FBN3: variants seen among roughly 807,000 people sequenced by gnomAD.
FBN3 encodes the protein fibrillin-3.
In FBN3, 234 loss-of-function variants were observed where a neutral mutation model predicts 330.1. The observed-to-expected ratio is 0.71, with a 90% confidence interval of 0.64 to 0.79. The LOEUF is 0.79. Among genes scored for constraint, FBN3 ranks in the 30% least tolerant of loss-of-function variants. The pLI is 0.00. For synonymous variants in FBN3, 1,458 were observed against 1,517.3 expected, an observed-to-expected ratio of 0.96 and a Z score of 0.91; for missense variants, 3,606 against 3,886.9, an observed-to-expected ratio of 0.93 and a Z score of 1.92.
chr19:8,144,800 T>C, intron 6 of FBN3, 77 bp downstream of exon 6: 1 of 1,197,774 alleles, frequency 8.3e-7, no homozygotes, highest in South Asian at 1.4e-5. Context: ...GGCCTGGCCA[T>C]GTCTCAGGGA....
intron 40 of FBN3, among the ~76,000 whole-genome samples, chr19:8,101,674 C>A (rs1196609738): frequency 6.6e-6 from 1 of 151,792 alleles, no homozygotes; most frequent in Non-Finnish European, 1.5e-5. Flanking sequence ...CCCACCCTAT[C>A]CCAGCCCAGG....
chr19:8,090,394 A>G (rs931347815), intron 48 of FBN3, 143 bp from the exon 49 acceptor site: 27 of 896,002 alleles, frequency 3.0e-5, no homozygotes, highest in Non-Finnish European at 4.4e-5. Flanking sequence ...GCCCCTGGTC[A>G]TGGTGATTGG....
rs2083427488 is a variant in FBN3 at position 8,141,989 on chromosome 19, G to T, written c.690C>A (p.His230Gln). ...TGGGGATGAAGCCGCGGCGGCAGGG[G>T]TGTGGCTGTGCAGGGCAAAGTTCAC... is the stretch of plus-strand genomic sequence containing the variant. The part of the protein sequence containing the change: ...LPCELCPAQP[H>Q]PCRRGFIPNI... Residue 230 changes from histidine (H) to glutamine (Q), a missense_variant, in exon 7 of 64, where the codon CAC becomes CAA. Coordinates refer to ENST00000600128, the MANE Select transcript of FBN3 (RefSeq NM_032447.5). The T allele has an allele frequency of 5.0e-6, 8 of 1,614,132 alleles. No individual in the cohort carries two copies. Among genetic ancestry groups the T allele is most frequent in the Non-Finnish European group, 5.9e-6 (7 of 1,180,052 alleles).
intron 25 of FBN3, among the ~76,000 whole-genome samples, chr19:8,119,791 G>A (rs1466337278): frequency 6.9e-6 from 1 of 145,128 alleles, no homozygotes; most frequent in Non-Finnish European, 1.5e-5. Context: ...CAGGATTACA[G>A]GTATGAGCCA....
chr19:8,073,011 GC>G, intron 62 of FBN3, 51 bp downstream of exon 62: 1 of 1,158,270 alleles, frequency 8.6e-7, no homozygotes, highest in Non-Finnish European at 1.3e-6. Context: ...GTGCGTGCGT[GC>G]ATGGACGCTT....
At chr19:8,070,619 C>T (rs941766864) in intron 63 of FBN3, among the ~76,000 whole-genome samples, 1 of 152,188 alleles carries the variant, frequency 6.6e-6, no homozygotes, top group African/African-American at 2.4e-5. Context: ...AAGAGAAGTC[C>T]ACGTGCCATA....
At position 8,075,083 on chromosome 19, in the gene FBN3, C is replaced by A. The variant is rs1409591109; in HGVS notation, c.7690G>T (p.Ala2564Ser). The A allele has an allele frequency of 1.1e-5, 18 of 1,602,686 alleles. No homozygotes were observed. Among genetic ancestry groups the A allele is most frequent in the Non-Finnish European group, 1.5e-5 (18 of 1,174,218 alleles). The stretch of plus-strand genomic sequence containing the variant: ...CCTTTTCACTCACCCACACACTGGG[C>A]CCACTGGGAGTGCTGGGTGAAACCC... ...PQGFTQHSQW[A>S]QCVDENECAL... The change falls in exon 61 of 64, where the codon GCC (alanine) becomes TCC (serine). Residue 2564 changes from alanine to serine, a missense_variant. Coordinates refer to ENST00000600128, the MANE Select transcript of FBN3 (RefSeq NM_032447.5).
chr19:8,147,082 T>C (rs765204539), intron 3 of FBN3, 22 bp downstream of exon 3: 4 of 1,542,874 alleles, frequency 2.6e-6, no homozygotes, highest in Non-Finnish European at 3.5e-6. Flanking sequence ...CCCCCCCACC[T>C]CCAGACGGCG....
intron 61 of FBN3, chr19:8,074,732 A>C: frequency 4.0e-6 from 1 of 248,174 alleles, no homozygotes; most frequent in Non-Finnish European, 7.8e-6. Flanking sequence ...CAGCATCCAT[A>C]GCAGACATCA....
intron 51 of FBN3, 62 bp downstream of exon 51, chr19:8,089,483 C>T (rs1455791587): frequency 1.5e-5 from 24 of 1,602,820 alleles, no homozygotes; most frequent in Middle Eastern, 1.7e-4. Flanking sequence ...CCCTGCCCTG[C>T]TCTGCTCCTT....
chr19:8,102,001 G>C (rs1234657565), intron 40 of FBN3, among the ~76,000 whole-genome samples: 4 of 152,220 alleles, frequency 2.6e-5, no homozygotes, highest in African/African-American at 9.6e-5. Context: ...AGGTAACTGA[G>C]TCATGGGGGT....
At chr19:8,101,025 C>T (rs1479881751) in intron 40 of FBN3, 53 bp from the exon 41 acceptor site, 15 of 1,474,326 alleles carry the variant, frequency 1.0e-5, no homozygotes, top group South Asian at 9.4e-5. Context: ...GACCCCAGCC[C>T]GCTCCCAATC....
rs776038083 is a variant in FBN3 at position 8,095,353 on chromosome 19, C to A, written c.5785+22G>T. ...GAGCAGGGGCTGGCTGAGATGCCTC[C>A]GAGCACCATAGGCAGACTCACCCAC... On this transcript the variant is annotated intron_variant, in intron 46 of 63. Coordinates refer to ENST00000600128, the MANE Select transcript of FBN3 (RefSeq NM_032447.5). 3 of 1,607,014 alleles carry A rather than the reference C, an allele frequency of 1.9e-6. No homozygotes were observed. The South Asian group carries it at 3.4e-5, about 18-fold the overall frequency.
Position 8,081,457 on chromosome 19 carries a change from G to T in FBN3, c.7237C>A (p.Pro2413Thr), listed in dbSNP as rs768386290. 1.8e-5 allele frequency: 29 copies of T among 1,610,326 alleles called. No homozygotes were observed. The East Asian group carries it at 6.0e-4, about 33-fold the overall frequency. ...CLDMDECSQV[P>T]KPCTFLCKNT... The stretch of plus-strand genomic sequence containing the variant: ...TTGCAGAGGAAGGTACATGGCTTGG[G>T]GACCTGGCTGCACTCATCCATATCT... Residue 2413 changes from proline (P) to threonine (T), a missense_variant, in exon 58 of 64, where the codon CCC becomes ACC. Pro to Thr is a conservative substitution (Grantham distance 38, BLOSUM62 -1). Coordinates refer to ENST00000600128, the MANE Select transcript of FBN3 (RefSeq NM_032447.5).
At chr19:8,106,647 G>C (rs935632685) in intron 37 of FBN3, among the ~76,000 whole-genome samples, 5 of 152,096 alleles carry the variant, frequency 3.3e-5, no homozygotes, top group Admixed American at 1.3e-4. Context: ...GTGGGTCAAT[G>C]AATAAGATGA....
At chr19:8,135,913 G>A in intron 13 of FBN3, 48 bp downstream of exon 13, 1 of 1,427,966 alleles carries the variant, frequency 7.0e-7, no homozygotes, top group Non-Finnish European at 9.6e-7. Flanking sequence ...GTAAAAGGCA[G>A]CTAGTGGGGC....
At chr19:8,141,650 G>A (rs1158889664) in intron 8 of FBN3, 67 bp downstream of exon 8, 2 of 1,542,552 alleles carry the variant, frequency 1.3e-6, no homozygotes, top group Non-Finnish European at 1.8e-6. Flanking sequence ...TTCCTGCAGG[G>A]GAGCCTGAGC....
At chr19:8,126,131 G>C in intron 21 of FBN3, 114 bp from the exon 22 acceptor site, 1 of 1,492,942 alleles carries the variant, frequency 6.7e-7, no homozygotes, top group Non-Finnish European at 9.2e-7. Context: ...CGGGGACACG[G>C]GGACTGGGGA....
At chr19:8,079,221 G>C (rs561171632) in intron 59 of FBN3, among the ~76,000 whole-genome samples, 1 of 152,150 alleles carries the variant, frequency 6.6e-6, no homozygotes, top group East Asian at 1.9e-4. Flanking sequence ...TCCAGCCCGG[G>C]CAACAGAGTC....
Sources: gnomAD v4.1 joint callset for allele counts (sites outside exome capture counted in the v4.1 genomes callset) on GRCh38, gnomAD v4.1.1 for gene constraint, MANE v1.5 for transcripts, NCBI Gene and HGNC (gene_info 2026-07-23, HGNC 2026-07-21) for gene names.